Variants in KDM4C observed in about 807,000 individuals in gnomAD.
KDM4C encodes the protein lysine demethylase 4C.
KDM4C carries 81 observed loss-of-function variants against 129.3 expected under a neutral mutation model. The observed-to-expected ratio is 0.63, with a 90% CI of 0.52 to 0.75. The LOEUF is 0.75. Ranked by LOEUF, KDM4C falls within the 30% of genes least tolerant of loss-of-function variation. KDM4C has a pLI of 0.00. For missense variants in KDM4C, 1,457 were observed against 1,304.0 expected, an observed-to-expected ratio of 1.12 and a Z score of -1.81; for synonymous variants, 573 against 456.1, an observed-to-expected ratio of 1.26 and a Z score of -3.26.
At chr9:7,047,183 A>G (rs1271445812) in intron 16 of KDM4C, among the ~76,000 whole-genome samples, 4 of 152,022 alleles carry the variant, frequency 2.6e-5, no homozygotes, top group South Asian at 2.1e-4. Flanking sequence ...AGTTTTGAAA[A>G]TGGAGTTAGC....
intron 1 of KDM4C, among the ~76,000 whole-genome samples, chr9:6,732,177 T>C (rs530868495): frequency 2.7e-5 from 4 of 150,536 alleles, no homozygotes; most frequent in Admixed American, 1.3e-4. Context: ...CCATCCTGGC[T>C]AACACAGTGA....
intron 8 of KDM4C, among the ~76,000 whole-genome samples, chr9:6,915,076 T>TA (rs1253828524): frequency 2.6e-5 from 4 of 152,250 alleles, no homozygotes; most frequent in Non-Finnish European, 5.9e-5. Flanking sequence ...ATTAACATGA[T>TA]AAAACGTTCT....
At chr9:7,112,529 G>A (rs1256937635) in intron 18 of KDM4C, among the ~76,000 whole-genome samples, 1 of 152,148 alleles carries the variant, frequency 6.6e-6, no homozygotes, top group East Asian at 1.9e-4. Flanking sequence ...GTGGGGAAGG[G>A]AGAGAGAAGA....
At position 6,779,032 on chromosome 9, in the gene KDM4C, C is replaced by CTTTTTTTTTTTTT. The variant is rs60503128; in HGVS notation, c.-17-13938_-17-13926dup. ...CTACCTCACCAGGCCTGATTAAAGT[C>CTTTTTTTTTTTTT]TTTTTTTTTTTTTTGAGATGGAGTC... On this transcript the variant is annotated intron_variant, in intron 1 of 21. Transcript: ENST00000381309. Among the ~76,000 whole-genome samples, 190 of 94,578 alleles carry CTTTTTTTTTTTTT rather than the reference C, an allele frequency of 2.0e-3. 21 individuals carry two copies. Among genetic ancestry groups the CTTTTTTTTTTTTT allele is most frequent in the African/African-American group, 6.0e-3 (116 of 19,380 alleles). 62.0% of individuals were successfully genotyped at this position (94,578 alleles called of 152,430 possible).
At chr9:7,144,873 A>C (rs145587415) in intron 19 of KDM4C, among the ~76,000 whole-genome samples, 110 of 152,384 alleles carry the variant, frequency 7.2e-4, no homozygotes, top group African/African-American at 2.6e-3. Context: ...CCCAGGAGTG[A>C]GCAATCTTTG....
chr9:6,761,591 A>G (rs987410605), intron 1 of KDM4C, among the ~76,000 whole-genome samples: 14 of 152,128 alleles, frequency 9.2e-5, no homozygotes, highest in African/African-American at 3.1e-4. Context: ...AAGTGCTAGG[A>G]TGACAGGCGT....
At chr9:6,955,442 CAGAGCTGAGTATAGAGGCCCCTTTTCCA>C (rs902692458) in intron 8 of KDM4C, among the ~76,000 whole-genome samples, 9 of 152,316 alleles carry the variant, frequency 5.9e-5, no homozygotes, top group Admixed American at 2.6e-4. Context: ...TCAGGCCCTG[CAGAGCTGAGTATAGAGGCCCCTTTTCCA>C]AGAGCAGAGA....
At chr9:6,878,550 C>A (rs1843933263) in intron 5 of KDM4C, among the ~76,000 whole-genome samples, 1 of 152,132 alleles carries the variant, frequency 6.6e-6, no homozygotes, top group South Asian at 2.1e-4. Flanking sequence ...GGAGTAGAGC[C>A]ATCTTGCCTT....
intron 19 of KDM4C, among the ~76,000 whole-genome samples, chr9:7,137,519 G>A (rs914801239): frequency 6.6e-6 from 1 of 152,054 alleles, no homozygotes; most frequent in Non-Finnish European, 1.5e-5. Context: ...CTTTTAAATC[G>A]TTTCTTGCTG....
At chr9:6,916,420 C>G (rs1000976059) in intron 8 of KDM4C, among the ~76,000 whole-genome samples, 1 of 152,036 alleles carries the variant, frequency 6.6e-6, no homozygotes, top group African/African-American at 2.4e-5. Context: ...CTGCCACAGC[C>G]TTCCGAGCAG....
intron 1 of KDM4C, among the ~76,000 whole-genome samples, chr9:6,721,965 T>G (rs540587412): frequency 6.6e-6 from 1 of 152,280 alleles, no homozygotes; most frequent in Non-Finnish European, 1.5e-5. Context: ...CAAGCAATCC[T>G]CTTGCCTTGA....
chr9:7,156,474 T>C (rs1843182112), intron 19 of KDM4C, among the ~76,000 whole-genome samples: 1 of 152,258 alleles, frequency 6.6e-6, no homozygotes, highest in African/African-American at 2.4e-5. Flanking sequence ...TTCTAGGGTT[T>C]TTATGGTTTT....
intron 1 of KDM4C, among the ~76,000 whole-genome samples, chr9:6,738,902 A>AT (rs1817605985): frequency 6.6e-6 from 1 of 150,514 alleles, no homozygotes; most frequent in Admixed American, 6.6e-5. Context: ...TAATTTCTAT[A>AT]TTTTTTGTAG....
In KDM4C at chr9:6,805,791, T is replaced by C. The variant is rs1424227611; in HGVS notation, c.320+17T>C. 2.5e-6 allele frequency: 4 copies of C among 1,599,216 alleles called. No homozygotes were observed. The highest frequency in any genetic ancestry group is 3.4e-6 in the Non-Finnish European group (4 of 1,172,384). Reference sequence around the variant, plus strand: ...CAGTGGCAAGTGAGTAGAATCAGTTTGCTATTTCTGTTTCCTTCAAAGATT... The same window carrying C: ...CAGTGGCAAGTGAGTAGAATCAGTTCGCTATTTCTGTTTCCTTCAAAGATT... On this transcript the variant is annotated intron_variant, in intron 3 of 21. Transcript: ENST00000381309.
At chr9:7,037,244 C>G (rs932855147) in intron 15 of KDM4C, among the ~76,000 whole-genome samples, 5 of 152,266 alleles carry the variant, frequency 3.3e-5, no homozygotes, top group South Asian at 4.1e-4. Context: ...GTACTTCAAT[C>G]TAATTATTTT....
At chr9:7,152,973 C>G (rs1227219764) in intron 19 of KDM4C, among the ~76,000 whole-genome samples, 1 of 152,100 alleles carries the variant, frequency 6.6e-6, no homozygotes, top group Non-Finnish European at 1.5e-5. Flanking sequence ...GAAAAAACTC[C>G]AAATGTGGTG....
Position 7,162,916 on chromosome 9 carries a change from C to T in KDM4C, c.2782-2322C>T, listed in dbSNP as rs576213096. On this transcript the variant is annotated intron_variant, in intron 19 of 21. Coordinates refer to ENST00000381309, the MANE Select transcript of KDM4C (RefSeq NM_015061.6). ...CTGAGGAAAAGCGAGACAAAGGAGT[C>T]AGGATTTGGAGATGTAAAGTATCAC... 7.2e-5 allele frequency among the ~76,000 whole-genome samples: 11 copies of T among 152,148 alleles called. 1 individual carries two copies. The East Asian group carries it at 2.1e-3, about 29-fold the overall frequency.
At chr9:6,951,036 TATTA>T (rs955642301) in intron 8 of KDM4C, among the ~76,000 whole-genome samples, 7 of 152,272 alleles carry the variant, frequency 4.6e-5, no homozygotes, top group African/African-American at 1.7e-4. Flanking sequence ...AATTTTATTT[TATTA>T]ATTTTTTTTT....
intron 1 of KDM4C, chr9:6,727,155 A>G (rs1176698768): frequency 6.6e-6 from 1 of 152,286 alleles, no homozygotes; most frequent in East Asian, 1.9e-4. Context: ...TACACATATA[A>G]GATGGTAATA....
Sources: gnomAD v4.1 joint callset for allele counts (sites outside exome capture counted in the v4.1 genomes callset) on GRCh38, gnomAD v4.1.1 for gene constraint, MANE v1.5 for transcripts, NCBI Gene and HGNC (gene_info 2026-07-23, HGNC 2026-07-21) for gene names.